Variants in CLHC1 observed in about 807,000 individuals in gnomAD.
CLHC1 encodes clathrin heavy chain linker domain containing 1, also known as clathrin heavy chain linker domain-containing protein 1.
CLHC1 carries 72 observed loss-of-function variants against 69.5 expected under a neutral mutation model. The observed-to-expected ratio is 1.04, with a 90% CI of 0.86 to 1.26. CLHC1 has a LOEUF of 1.26. Ranked by LOEUF, CLHC1 falls within the 50% of genes most tolerant of loss-of-function variation. The probability of loss-of-function intolerance (pLI) is 0.00; values close to 1 mark genes in which losing one functional copy is unlikely to be tolerated. For missense variants in CLHC1, 790 were observed against 679.3 expected, an observed-to-expected ratio of 1.16 and a Z score of -1.81; for synonymous variants, 223 against 224.3, an observed-to-expected ratio of 0.99 and a Z score of 0.05.
chr2:55,210,767 C>A (rs1459753791), intron 5 of CLHC1, among the ~76,000 whole-genome samples: 1 of 152,136 alleles, frequency 6.6e-6, no homozygotes, highest in Non-Finnish European at 1.5e-5. Context: ...TAAATGCCTG[C>A]CAAATCTTCA....
At chr2:55,203,006 T>C (rs1323771275) in intron 9 of CLHC1, among the ~76,000 whole-genome samples, 1 of 151,836 alleles carries the variant, frequency 6.6e-6, no homozygotes, top group Non-Finnish European at 1.5e-5. Context: ...ACAAACAATC[T>C]GAAAAAGAAA....
chr2:55,208,428 A>G (rs1340863860), intron 8 of CLHC1, among the ~76,000 whole-genome samples, 198 bp downstream of exon 8: 2 of 152,128 alleles, frequency 1.3e-5, no homozygotes, highest in Admixed American at 1.3e-4. Context: ...CAGTGCTCAA[A>G]ATTTTTCGGA....
chr2:55,199,389 A>G (rs767422076), intron 9 of CLHC1, among the ~76,000 whole-genome samples: 57 of 152,152 alleles, frequency 3.7e-4, no homozygotes, highest in Non-Finnish European at 5.4e-4. Flanking sequence ...AATTAAAGGT[A>G]CAAAACTCAC....
intron 11 of CLHC1, 95 bp downstream of exon 11, chr2:55,180,415 T>C: frequency 1.2e-6 from 1 of 838,064 alleles, no homozygotes; most frequent in Non-Finnish European, 1.9e-6. Flanking sequence ...ATTGATTTTA[T>C]AACGTAAGTT....
chr2:55,179,344 C>T (rs1669695383), intron 11 of CLHC1, among the ~76,000 whole-genome samples: 1 of 151,738 alleles, frequency 6.6e-6, no homozygotes, highest in Non-Finnish European at 1.5e-5. Context: ...ATAACAAAAC[C>T]TACCTCATAG....
chr2:55,195,720 T>G (rs1671349225), intron 9 of CLHC1, among the ~76,000 whole-genome samples: 1 of 152,150 alleles, frequency 6.6e-6, no homozygotes, highest in South Asian at 2.1e-4. Flanking sequence ...GAGAATCACT[T>G]GAACCCAGGA....
intron 5 of CLHC1, among the ~76,000 whole-genome samples, chr2:55,210,088 G>A (rs1672839440): frequency 6.6e-6 from 1 of 152,086 alleles, no homozygotes; most frequent in African/African-American, 2.4e-5. Context: ...TAAAACTCCT[G>A]GGCTCAAGCA....
At chr2:55,204,956 GGA>G (rs1237071743) in intron 9 of CLHC1, among the ~76,000 whole-genome samples, 3 of 152,022 alleles carry the variant, frequency 2.0e-5, no homozygotes, top group African/African-American at 7.3e-5. Context: ...GTTGGGTGGG[GGA>G]GTTGGGCTGT....
intron 9 of CLHC1, among the ~76,000 whole-genome samples, chr2:55,184,149 A>G (rs1429997271): frequency 1.5e-5 from 2 of 132,458 alleles, no homozygotes; most frequent in Non-Finnish European, 3.1e-5. Flanking sequence ...TGTGTTGCCC[A>G]GGCTGGAGTG....
In CLHC1 at chr2:55,173,817, A is replaced by G. The variant is rs1669154563; in HGVS notation, c.*1973T>C. Among the ~76,000 whole-genome samples, 1 of 152,238 alleles carries G rather than the reference A, an allele frequency of 6.6e-6. No homozygotes were observed. Among genetic ancestry groups the G allele is most frequent in the Non-Finnish European group, 1.5e-5 (1 of 68,048 alleles). On this transcript the variant is annotated 3_prime_UTR_variant, in exon 13 of 13. Transcript: ENST00000401408. ...TTCCTTGGGAAAGCTGCCAAAGGCA[A>G]TGCTAACTGAGAAGGAGTAATAATG...
chr2:55,209,292 G>C (rs1482719272), intron 7 of CLHC1, 112 bp downstream of exon 7: 1 of 652,542 alleles, frequency 1.5e-6, no homozygotes. Context: ...ACAACCAGCT[G>C]AAGTATGATC....
intron 9 of CLHC1, among the ~76,000 whole-genome samples, chr2:55,183,088 G>C (rs1670074669): frequency 1.3e-5 from 2 of 152,152 alleles, no homozygotes; most frequent in Non-Finnish European, 2.9e-5. Flanking sequence ...TAACCCCACT[G>C]TAAAGCTGCC....
intron 10 of CLHC1, 67 bp from the exon 11 acceptor site, chr2:55,180,779 T>C (rs1447322180): frequency 2.2e-6 from 3 of 1,336,570 alleles, no homozygotes; most frequent in Non-Finnish European, 3.2e-6. Context: ...ACTGAAATAT[T>C]TGAAAATTCA....
intron 3 of CLHC1, among the ~76,000 whole-genome samples, chr2:55,221,497 A>T (rs1674110921): frequency 6.6e-6 from 1 of 152,234 alleles, no homozygotes; most frequent in Admixed American, 6.5e-5. Context: ...ATCTACAAGG[A>T]ACCTCAATTT....
chr2:55,177,976 C>T (rs544550121), intron 11 of CLHC1, among the ~76,000 whole-genome samples, 195 bp from the exon 12 acceptor site: 11 of 151,960 alleles, frequency 7.2e-5, no homozygotes, highest in African/African-American at 2.2e-4. Context: ...CTCAGCATAG[C>T]AAAAAACAAA....
intron 4 of CLHC1, among the ~76,000 whole-genome samples, chr2:55,213,473 C>A (rs965565161): frequency 6.6e-6 from 1 of 152,186 alleles, no homozygotes; most frequent in Admixed American, 6.5e-5. Flanking sequence ...TGCAAAGACC[C>A]TTTTTCCAAA....
At chr2:55,222,764 A>C (rs1271970040) in intron 2 of CLHC1, among the ~76,000 whole-genome samples, 1 of 151,956 alleles carries the variant, frequency 6.6e-6, no homozygotes, top group Non-Finnish European at 1.5e-5. Context: ...CTACTAAAAA[A>C]GACAAAATTA....
chr2:55,192,953 T>A (rs1671068972), intron 9 of CLHC1, among the ~76,000 whole-genome samples: 1 of 149,588 alleles, frequency 6.7e-6, no homozygotes, highest in Admixed American at 6.7e-5. Flanking sequence ...TGCAGTGGCA[T>A]GATATCAGCT....
chr2:55,179,479 C>T lies in CLHC1; in HGVS notation c.1384+1031G>A, dbSNP rs180785836. On this transcript the variant is annotated intron_variant, in intron 11 of 12. Coordinates refer to ENST00000401408, the MANE Select transcript of CLHC1 (RefSeq NM_152385.4). The stretch of plus-strand genomic sequence containing the variant: ...ACTTAAAAAAACAACAACATAGATT[C>T]TAAGAAAAAGTCAATTAATTGCTTG... Among the ~76,000 whole-genome samples the T allele has an allele frequency of 2.6e-3, 394 of 152,206 alleles. 1 individual carries two copies. Among genetic ancestry groups the T allele is most frequent in the African/African-American group, 9.2e-3 (381 of 41,534 alleles).
Sources: allele counts gnomAD v4.1 joint callset (sites outside exome capture counted in the v4.1 genomes callset), GRCh38; gene constraint gnomAD v4.1.1; transcripts MANE v1.5; gene names NCBI Gene and HGNC (gene_info 2026-07-23, HGNC 2026-07-21).